ANP32B: variants seen among roughly 807,000 people sequenced by gnomAD.
ANP32B encodes acidic nuclear phosphoprotein 32 family member B, also known as acidic leucine-rich nuclear phosphoprotein 32 family member B.
In ANP32B, 6 loss-of-function variants were observed where a neutral mutation model predicts 32.2. The observed-to-expected ratio is 0.19, with a 90% confidence interval of 0.10 to 0.37. ANP32B has a LOEUF of 0.37. Ranked by LOEUF, ANP32B falls within the 10% of genes least tolerant of loss-of-function variation. The pLI is 1.00. For missense variants in ANP32B, 204 were observed against 289.2 expected (o/e 0.71, Z 2.14); for synonymous variants, 98 against 105.8 (o/e 0.93, Z 0.45).
At position 98,015,841 on chromosome 9, in the gene ANP32B, AATT is replaced by A. The variant is rs1209952423; in HGVS notation, c.*423_*425del. On this transcript the variant is annotated 3_prime_UTR_variant, in exon 7 of 7. Coordinates refer to ENST00000339399, the MANE Select transcript of ANP32B (RefSeq NM_006401.3). The stretch of plus-strand genomic sequence containing the variant: ...TCTGTTTTTTCATGCTTTGCTTTTT[AATT>A]ATTATTATTATTTTTTTTACATTAG... 32 of 964,652 alleles carry A rather than the reference AATT, an allele frequency of 3.3e-5. No individual in the cohort carries two copies. Among genetic ancestry groups the A allele is most frequent in the South Asian group, 4.8e-5 (1 of 20,924 alleles). 59.8% of individuals were successfully genotyped at this position (964,652 alleles called of 1,614,324 possible). A position where few individuals can be genotyped will look rare whatever the true frequency, so the allele number is the denominator to read the frequency against.
At chr9:98,013,704 G>C (rs147077136) in intron 6 of ANP32B, among the ~76,000 whole-genome samples, 10,570 of 152,040 alleles carry the variant, frequency 0.07, 433 homozygotes, top group Middle Eastern at 0.13. Flanking sequence ...TTCGAGAGCA[G>C]CCTGGCCAAC....
At chr9:97,988,853 T>C (rs1401406249) in intron 1 of ANP32B, among the ~76,000 whole-genome samples, 1 of 152,232 alleles carries the variant, frequency 6.6e-6, no homozygotes, top group African/African-American at 2.4e-5. Context: ...AATTACTTTC[T>C]ATATTTTGGG....
intron 1 of ANP32B, among the ~76,000 whole-genome samples, 153 bp downstream of exon 1, chr9:97,983,762 G>A (rs1478350984): frequency 6.6e-6 from 1 of 151,750 alleles, no homozygotes; most frequent in Non-Finnish European, 1.5e-5. Flanking sequence ...GCGCGGAGGG[G>A]GGAGCGAGCG....
At chr9:97,997,237 A>G (rs1827920013) in intron 2 of ANP32B, among the ~76,000 whole-genome samples, 1 of 152,242 alleles carries the variant, frequency 6.6e-6, no homozygotes, top group South Asian at 2.1e-4. Context: ...TTAAACCTAG[A>G]CCATGACTAT....
chr9:97,990,611 C>A lies in ANP32B; in HGVS notation c.55-4020C>A, dbSNP rs150688143. On this transcript the variant is annotated intron_variant, in intron 1 of 6. Transcript: ENST00000339399. ...CCCAACAACTCTCTGCCCTATTTAT[C>A]CCAGTATATCTTATTGCCTCTTACT... Among the ~76,000 whole-genome samples the A allele has an allele frequency of 4.9e-3, 753 of 152,222 alleles. 11 individuals carry two copies. Among genetic ancestry groups the A allele is most frequent in the African/African-American group, 0.017 (718 of 41,526 alleles).
At chr9:98,011,570 A>G (rs1828186271) in intron 5 of ANP32B, among the ~76,000 whole-genome samples, 181 bp downstream of exon 5, 1 of 152,248 alleles carries the variant, frequency 6.6e-6, no homozygotes, top group African/African-American at 2.4e-5. Context: ...ACTACTAAAT[A>G]GAATGCCTAC....
At chr9:97,990,374 T>A (rs1827803192) in intron 1 of ANP32B, among the ~76,000 whole-genome samples, 1 of 152,368 alleles carries the variant, frequency 6.6e-6, no homozygotes, top group African/African-American at 2.4e-5. Context: ...AGTTGGCTGA[T>A]GGAACATTTA....
Position 97,983,389 on chromosome 9 carries a change from G to A in ANP32B, c.-167G>A, listed in dbSNP as rs554420834. On this transcript the variant is annotated 5_prime_UTR_variant, in exon 1 of 7. Coordinates refer to ENST00000339399, the MANE Select transcript of ANP32B (RefSeq NM_006401.3). ...CGCTCCCGTGAGTAACTTGGCTCCG[G>A]GGGCTCCGCTCGCCTGCCCGCACGC... 6 of 574,688 alleles carry A rather than the reference G, an allele frequency of 1.0e-5. No homozygotes were observed. The South Asian group carries it at 1.3e-4, about 13-fold the overall frequency. The allele number at this position is 574,688 out of a possible 1,614,324, so 35.6% of individuals were successfully genotyped here.
At chr9:97,988,922 A>G (rs1257403713) in intron 1 of ANP32B, among the ~76,000 whole-genome samples, 2 of 152,132 alleles carry the variant, frequency 1.3e-5, no homozygotes, top group Non-Finnish European at 2.9e-5. Context: ...GACAACTCAG[A>G]AAGATCTTTA....
At chr9:98,005,578 G>A (rs1010777) in intron 4 of ANP32B, among the ~76,000 whole-genome samples, 75,343 of 151,806 alleles carry the variant, frequency 0.5, 19,115 homozygotes, top group South Asian at 0.57. Context: ...GTTTGTGTGC[G>A]TGCGCACGCG....
At chr9:97,986,087 C>G (rs1827727293) in intron 1 of ANP32B, among the ~76,000 whole-genome samples, 2 of 151,862 alleles carry the variant, frequency 1.3e-5, no homozygotes, top group African/African-American at 4.8e-5. Context: ...TCCCAAAGTG[C>G]TGGGATTACA....
At chr9:97,989,882 A>G (rs939219415) in intron 1 of ANP32B, among the ~76,000 whole-genome samples, 2 of 152,222 alleles carry the variant, frequency 1.3e-5, no homozygotes, top group African/African-American at 4.8e-5. Flanking sequence ...ACAGATGCAG[A>G]GAGAAGCCTA....
In ANP32B at chr9:98,011,172, T is replaced by C. The variant is rs1828176754; in HGVS notation, c.518-99T>C. ...AGAAAGTGACTGCAGTTCGTGGCCT[T>C]ACAGCATTTGTTCTGTGAGCCAGCC... On this transcript the variant is annotated intron_variant, in intron 4 of 6. Transcript: ENST00000339399. 8 of 1,471,908 alleles carry C rather than the reference T, an allele frequency of 5.4e-6. No individual in the cohort carries two copies. In the South Asian group the frequency reaches 7.2e-5, roughly 13 times the overall value. The allele number at this position is 1,471,908 out of a possible 1,614,324, so 91.2% of individuals were successfully genotyped here. A position where few individuals can be genotyped will look rare whatever the true frequency, so the allele number is the denominator to read the frequency against.
intron 1 of ANP32B, among the ~76,000 whole-genome samples, chr9:97,983,991 G>A (rs1827650053): frequency 6.6e-6 from 1 of 150,598 alleles, no homozygotes; most frequent in Admixed American, 6.6e-5. Context: ...CGGAGGCCCG[G>A]CCTGCCGAGG....
chr9:97,992,087 C>CT (rs1386218603), intron 1 of ANP32B, among the ~76,000 whole-genome samples: 8 of 151,676 alleles, frequency 5.3e-5, no homozygotes, highest in African/African-American at 1.7e-4. Flanking sequence ...CTAGCGGTGA[C>CT]TTTTTTTTTC....
chr9:98,015,664 G>A lies in ANP32B; in HGVS notation c.*233G>A. On this transcript the variant is annotated 3_prime_UTR_variant, in exon 7 of 7. Transcript: ENST00000339399. ...TCACCCCAACAAAATTGTAAGCGTT[G>A]TTAGGTTTTTGTGTAAGATTCTTGC... is the stretch of plus-strand genomic sequence containing the variant. 8.3e-7 allele frequency: 1 copy of A among 1,208,466 alleles called. No individual in the cohort carries two copies. Among genetic ancestry groups the A allele is most frequent in the Non-Finnish European group, 1.0e-6 (1 of 964,080 alleles). 74.9% of individuals were successfully genotyped at this position (1,208,466 alleles called of 1,614,324 possible).
At chr9:98,004,805 T>C (rs561921616) in intron 3 of ANP32B, 159 bp from the exon 4 acceptor site, 8 of 528,084 alleles carry the variant, frequency 1.5e-5, no homozygotes, top group Non-Finnish European at 2.3e-5. Context: ...AGTAACCTAA[T>C]ATAAAGGTTG....
intron 4 of ANP32B, 49 bp from the exon 5 acceptor site, chr9:98,011,222 C>T (rs972534827): frequency 6.5e-7 from 1 of 1,539,232 alleles, no homozygotes; most frequent in Non-Finnish European, 8.8e-7. Flanking sequence ...ACTTTGTCCC[C>T]TGTGGAGCGT....
At chr9:97,988,214 A>G (rs1222723930) in intron 1 of ANP32B, among the ~76,000 whole-genome samples, 1 of 152,092 alleles carries the variant, frequency 6.6e-6, no homozygotes, top group Non-Finnish European at 1.5e-5. Flanking sequence ...GTCTGCATAG[A>G]TCATAATTTA....
Sources: gnomAD v4.1 joint callset for allele counts (sites outside exome capture counted in the v4.1 genomes callset) on GRCh38, gnomAD v4.1.1 for gene constraint, MANE v1.5 for transcripts, NCBI Gene and HGNC (gene_info 2026-07-23, HGNC 2026-07-21) for gene names.